DKKL1: variants seen among roughly 807,000 people sequenced by gnomAD.
DKKL1 encodes dickkopf-like protein 1.
Under a neutral mutation model 16.5 loss-of-function variants are expected in DKKL1, and 11 were observed. That is an observed-to-expected ratio of 0.67 (90% confidence interval 0.42 to 1.10). The LOEUF (loss-of-function observed/expected upper bound fraction) is 1.10. Ranked by LOEUF, DKKL1 falls within the 50% of genes least tolerant of loss-of-function variation. The pLI is 0.00. For missense variants in DKKL1, 320 were observed against 308.1 expected, an observed-to-expected ratio of 1.04 and a Z score of -0.29; for synonymous variants, 119 against 133.2, an observed-to-expected ratio of 0.89 and a Z score of 0.73.
Position 49,365,824 on chromosome 19 carries a change from T to C in DKKL1, c.356T>C (p.Ile119Thr), listed in dbSNP as rs1441321396. The change falls in exon 4 of 5, where the codon ATC becomes ACC. Residue 119 changes from isoleucine (I) to threonine (T), a missense_variant. Physicochemically the swap from Ile to Thr is moderately conservative, Grantham distance 89 (BLOSUM62 -1). Transcript: ENST00000221498. ...MTDNKTGEVL[I>T]SENVVASIQP... ...GACAACAAGACAGGAGAGGTGCTGATCTCCGAGAATGTGGTGGCATCCATT... is the reference window on the plus strand; with the variant it reads ...GACAACAAGACAGGAGAGGTGCTGACCTCCGAGAATGTGGTGGCATCCATT... The C allele has an allele frequency of 1.2e-6, 2 of 1,613,986 alleles. No individual in the cohort carries two copies. The highest frequency in any genetic ancestry group is 1.7e-6 in the Non-Finnish European group (2 of 1,180,016).
intron 4 of DKKL1, among the ~76,000 whole-genome samples, chr19:49,373,302 CAAAA>C (rs35154036): frequency 4.0e-5 from 5 of 126,082 alleles, no homozygotes; most frequent in Non-Finnish European, 3.4e-5. Flanking sequence ...GACTCCATCT[CAAAA>C]AAAAAAAAAA....
Sources: gnomAD v4.1 joint callset for allele counts (sites outside exome capture counted in the v4.1 genomes callset) on GRCh38, gnomAD v4.1.1 for gene constraint, MANE v1.5 for transcripts, NCBI Gene and HGNC (gene_info 2026-07-23, HGNC 2026-07-21) for gene names.